Variants in VWA7 observed in about 807,000 individuals in gnomAD.
VWA7 encodes von Willebrand factor A domain-containing protein 7.
Under a neutral mutation model 83.1 loss-of-function variants are expected in VWA7, and 66 were observed. The ratio of observed to expected loss-of-function variants is 0.79; its 90% CI spans 0.65 to 0.98. The LOEUF (loss-of-function observed/expected upper bound fraction) is 0.98, where lower values mean the gene tolerates loss of function less well. Among genes scored for constraint, VWA7 ranks in the 50% least tolerant of loss-of-function variants. The pLI, the probability that VWA7 is intolerant of heterozygous loss-of-function variation, is 0.00. For missense variants in VWA7, 1,080 were observed against 1,160.2 expected, an observed-to-expected ratio of 0.93 and a Z score of 1.00; for synonymous variants, 424 against 488.5, an observed-to-expected ratio of 0.87 and a Z score of 1.74.
chr6:31,766,068 G>C lies in VWA7; in HGVS notation c.2325-11C>G. On this transcript the variant is annotated splice_polypyrimidine_tract_variant and intron_variant, in intron 15 of 16. Transcript: ENST00000375688. This position sits in a 1 kb window ranked among gnomAD's most constrained non-coding sequence, Gnocchi z 4.9. ...AGTTCCAGGTGAGCCCTGGAGAGAG[G>C]ATATAGGCGTCGCTAAAGCTCCAGG... The C allele has an allele frequency of 6.2e-7, 1 of 1,612,668 alleles. No individual in the cohort carries two copies. Among genetic ancestry groups the C allele is most frequent in the Non-Finnish European group, 8.5e-7 (1 of 1,179,846 alleles).
rs765412999 is a variant in VWA7, at chr6:31,767,690, C to G, written c.1568G>C (p.Gly523Ala). 1 of 1,613,576 alleles carries G rather than the reference C, an allele frequency of 6.2e-7. No individual in the cohort carries two copies. ...PGQPLVFSVD[G>A]LLQKITVRIH... is the part of the protein sequence containing the mutation. ...CCGGACTGTGATCTTCTGGAGCAGC[C>G]CATCCACGCTGAACACAAGTGGCTG... The change falls in exon 11 of 17, where the codon GGG becomes GCG. Residue 523 changes from glycine to alanine, a missense_variant. Physicochemically the swap from Gly to Ala is moderately conservative, Grantham distance 60. Coordinates refer to ENST00000375688, the MANE Select transcript of VWA7 (RefSeq NM_025258.3).
intron 10 of VWA7, among the ~76,000 whole-genome samples, chr6:31,768,058 T>C (rs1581592773): frequency 7.0e-6 from 1 of 142,950 alleles, no homozygotes; most frequent in Non-Finnish European, 1.5e-5. Flanking sequence ...GAGAATCGCT[T>C]GAACCCAACA....
chr6:31,775,992 C>T lies in VWA7; in HGVS notation c.485G>A (p.Arg162His), dbSNP rs755504301. Residue 162 changes from arginine to histidine, a missense_variant, in exon 3 of 17, where the codon CGC becomes CAC. Transcript: ENST00000375688. The surrounding 1 kb of genome is among the most constrained non-coding windows in gnomAD (Gnocchi z 5.9). ...CAGGGCATGAAGTGCAGCCCCGAGG[C>T]GCTGGCGAGCCAGGGTGTGGTCAAG... ...RALDHTLARQ[R>H]LGAALHALQD... The T allele has an allele frequency of 9.9e-6, 16 of 1,611,888 alleles. No individual in the cohort carries two copies. The highest frequency in any genetic ancestry group is 2.7e-5 in the African/African-American group (2 of 74,916).
Position 31,766,443 on chromosome 6 carries a change from ACTTTC to A in VWA7, c.2184+15_2184+19del. The stretch of plus-strand genomic sequence containing the variant: ...TCTAACTCTCTCCAGCCCCAGCCGC[ACTTTC>A]CCCTGGCGTCTCACCTCCAGAAGGA... On this transcript the variant is annotated intron_variant, in intron 14 of 16. Coordinates refer to ENST00000375688, the MANE Select transcript of VWA7 (RefSeq NM_025258.3). This position sits in a 1 kb window ranked among gnomAD's most constrained non-coding sequence, Gnocchi z 4.9. The A allele has an allele frequency of 6.3e-7, 1 of 1,580,292 alleles. No individual in the cohort carries two copies. The highest frequency in any genetic ancestry group is 8.6e-7 in the Non-Finnish European group (1 of 1,162,590).
intron 10 of VWA7, among the ~76,000 whole-genome samples, chr6:31,767,979 A>G (rs1429815883): frequency 6.6e-6 from 1 of 151,464 alleles, no homozygotes; most frequent in Non-Finnish European, 1.5e-5. Context: ...AAAAAAAAAA[A>G]AATACAAAAA....
At chr6:31,772,010 A>G (rs1395477974) in intron 7 of VWA7, among the ~76,000 whole-genome samples, 1 of 151,598 alleles carries the variant, frequency 6.6e-6, no homozygotes, top group South Asian at 2.1e-4. Context: ...AAAAAAAAAA[A>G]AAAAAAGAAA....
At chr6:31,767,790 A>T in intron 10 of VWA7, 36 bp from the exon 11 acceptor site, 1 of 1,590,506 alleles carries the variant, frequency 6.3e-7, no homozygotes, top group Admixed American at 1.7e-5. Context: ...ATGGGGAAGA[A>T]GATGAGGTAT....
chr6:31,769,615 T>C lies in VWA7; in HGVS notation c.1317+60A>G. The C allele has an allele frequency of 6.8e-7, 1 of 1,471,060 alleles. No individual in the cohort carries two copies. The highest frequency in any genetic ancestry group is 1.7e-5 in the Admixed American group (1 of 59,678). 91.1% of individuals were successfully genotyped at this position (1,471,060 alleles called of 1,614,324 possible). A position where few individuals can be genotyped will look rare whatever the true frequency, so the allele number is the denominator to read the frequency against. On this transcript the variant is annotated intron_variant, in intron 9 of 16. Transcript: ENST00000375688. This position sits in a 1 kb window ranked among gnomAD's most constrained non-coding sequence, Gnocchi z 4.5. ...TGCAACCCTCGTTATGAGATTGTCA[T>C]CACAGGGTCTCTCACATCCCTGGGA...
chr6:31,765,931 G>T lies in VWA7; in HGVS notation c.2451C>A (p.Pro817=). Residue 817 remains proline (P), a synonymous_variant, in exon 16 of 17, where the codon CCC becomes CCA. Transcript: ENST00000375688. ...TAGGREANPV[P]PTHAFLRLLV... is the part of the protein sequence containing the mutation. ...GGAGCCGGAGGAAAGCATGAGTCGG[G>T]GGTACTGGGTTGGCTTCTCGTCCCC... 6.2e-7 allele frequency: 1 copy of T among 1,613,106 alleles called. No homozygotes were observed.
At position 31,775,196 on chromosome 6, in the gene VWA7, C is replaced by G; in HGVS notation, c.610+137G>C. 2.8e-6 allele frequency: 2 copies of G among 715,896 alleles called. No homozygotes were observed. The highest frequency in any genetic ancestry group is 4.4e-6 in the Non-Finnish European group (2 of 456,950). The allele number at this position is 715,896 out of a possible 1,614,324, so 44.3% of individuals were successfully genotyped here. A position where few individuals can be genotyped will look rare whatever the true frequency, so the allele number is the denominator to read the frequency against. Reference sequence around the variant, plus strand: ...AGCTGCTTAACTGAGCCAGGCGTTGCTTGGACTGGGGGACCTCAGTCCTTG... The same window carrying G: ...AGCTGCTTAACTGAGCCAGGCGTTGGTTGGACTGGGGGACCTCAGTCCTTG... On this transcript the variant is annotated intron_variant, in intron 4 of 16. Transcript: ENST00000375688. The surrounding 1 kb of genome is among the most constrained non-coding windows in gnomAD (Gnocchi z 5.9).
chr6:31,765,939 G>C lies in VWA7; in HGVS notation c.2443C>G (p.Pro815Ala). 1.9e-6 allele frequency: 3 copies of C among 1,613,102 alleles called. No individual in the cohort carries two copies. The highest frequency in any genetic ancestry group is 1.7e-6 in the Non-Finnish European group (2 of 1,180,042). ...TVTAGGREAN[P>A]VPPTHAFLRL... Reference sequence around the variant, plus strand: ...AGGAAAGCATGAGTCGGGGGTACTGGGTTGGCTTCTCGTCCCCCTGCAGTC... The same window carrying C: ...AGGAAAGCATGAGTCGGGGGTACTGCGTTGGCTTCTCGTCCCCCTGCAGTC... The change falls in exon 16 of 17, where the codon CCA becomes GCA. Residue 815 changes from proline to alanine, a missense_variant. Transcript: ENST00000375688.
rs546517555 is a variant in VWA7, at chr6:31,766,535, G to A, written c.2112C>T (p.Gly704=). 1.9e-5 allele frequency: 31 copies of A among 1,612,236 alleles called. No individual in the cohort carries two copies. The East Asian group carries it at 5.8e-4, about 30-fold the overall frequency. Residue 704 remains glycine, a synonymous_variant, in exon 14 of 17, where the codon GGC becomes GGT. Transcript: ENST00000375688. This position sits in a 1 kb window ranked among gnomAD's most constrained non-coding sequence, Gnocchi z 4.9. ...TPRPFSLELI[G]QDAAGRRLHR... is the part of the protein sequence containing the mutation. ...GCAGGCGCCGCCCCGCTGCGTCCTG[G>A]CCAATCAGCTCCAGGGAGAAGGGTC...
In VWA7 at chr6:31,767,152, A is replaced by G; in HGVS notation, c.1882+6T>C. The G allele has an allele frequency of 6.8e-7, 1 of 1,464,718 alleles. No individual in the cohort carries two copies. Among genetic ancestry groups the G allele is most frequent in the Non-Finnish European group, 9.1e-7 (1 of 1,104,778 alleles). The allele number at this position is 1,464,718 out of a possible 1,614,324, so 90.7% of individuals were successfully genotyped here. A position where few individuals can be genotyped will look rare whatever the true frequency, so the allele number is the denominator to read the frequency against. ...AGGTGGGTGGGGGCTCAGGGAATAA[A>G]TGTACCTGCAACTGGCTGAGTCAGG... On this transcript the variant is annotated splice_donor_region_variant and intron_variant, in intron 13 of 16. Transcript: ENST00000375688.
At chr6:31,768,191 C>T (rs1352164435) in intron 10 of VWA7, among the ~76,000 whole-genome samples, 1 of 148,376 alleles carries the variant, frequency 6.7e-6, no homozygotes. Context: ...AAAGAAACCA[C>T]GTCAAACAGG....
chr6:31,767,270 GTCAGAGCCCT>G lies in VWA7; in HGVS notation c.1790-30_1790-21del, dbSNP rs1361022651. 1 of 1,612,078 alleles carries G rather than the reference GTCAGAGCCCT, an allele frequency of 6.2e-7. No homozygotes were observed. Among genetic ancestry groups the G allele is most frequent in the East Asian group, 2.2e-5 (1 of 44,828 alleles). ...TCTGGGCTGGGAAAGGGCAAAGGCA[GTCAGAGCCCT>G]TCCTGAAAGGAATGTGACTGATCGT... On this transcript the variant is annotated intron_variant, in intron 12 of 16. Transcript: ENST00000375688.
rs1286816609 is a variant in VWA7, at chr6:31,775,920, G to A, written c.513+44C>T. The A allele has an allele frequency of 8.9e-6, 14 of 1,565,182 alleles. No individual in the cohort carries two copies. The highest frequency in any genetic ancestry group is 1.1e-5 in the Non-Finnish European group (13 of 1,155,070). ...GACGCGCTCCATCCCGGACAGGCAC[G>A]GAAGTGAAGACCCCTCTGACCATCA... On this transcript the variant is annotated intron_variant, in intron 3 of 16. Coordinates refer to ENST00000375688, the MANE Select transcript of VWA7 (RefSeq NM_025258.3). This position sits in a 1 kb window ranked among gnomAD's most constrained non-coding sequence, Gnocchi z 5.9.
rs1812398829 is a variant in VWA7 at position 31,773,493 on chromosome 6, GA to G, written c.722-57del. 1 of 1,463,744 alleles carries G rather than the reference GA, an allele frequency of 6.8e-7. No individual in the cohort carries two copies. Among genetic ancestry groups the G allele is most frequent in the African/African-American group, 1.4e-5 (1 of 70,058 alleles). 90.7% of individuals were successfully genotyped at this position (1,463,744 alleles called of 1,614,324 possible). A position where few individuals can be genotyped will look rare whatever the true frequency, so the allele number is the denominator to read the frequency against. On this transcript the variant is annotated intron_variant, in intron 5 of 16. Transcript: ENST00000375688. This position sits in a 1 kb window ranked among gnomAD's most constrained non-coding sequence, Gnocchi z 5.3. The stretch of plus-strand genomic sequence containing the variant: ...AGGTCAAAAACCCACTGCCTCCTAA[GA>G]AAATGAGGCCCTTTCAGGCCTGGCC...
rs1316495182 is a variant in VWA7, at chr6:31,776,816, AG to A, written c.-15-23del. On this transcript the variant is annotated intron_variant, in intron 1 of 16. Coordinates refer to ENST00000375688, the MANE Select transcript of VWA7 (RefSeq NM_025258.3). The surrounding 1 kb of genome is among the most constrained non-coding windows in gnomAD (Gnocchi z 6.2). Reference sequence around the variant, plus strand: ...GGACCTGGGAGACAGAAGGCTCTCAAGGGAGGAGGAAGCAGCCGCGATTCCA... The same window carrying A: ...GGACCTGGGAGACAGAAGGCTCTCAAGGAGGAGGAAGCAGCCGCGATTCCA... 1.4e-5 allele frequency: 18 copies of A among 1,296,136 alleles called. No individual in the cohort carries two copies. The East Asian group carries it at 4.4e-4, about 31-fold the overall frequency. The allele number at this position is 1,296,136 out of a possible 1,614,324, so 80.3% of individuals were successfully genotyped here.
chr6:31,768,954 TA>T, intron 10 of VWA7, 63 bp downstream of exon 10: 1 of 1,479,646 alleles, frequency 6.8e-7, no homozygotes. Context: ...CTTTCTCCTA[TA>T]AGAAGAGAGG....
Sources: allele counts gnomAD v4.1 joint callset (sites outside exome capture counted in the v4.1 genomes callset), GRCh38; gene constraint gnomAD v4.1.1; non-coding constraint Gnocchi (gnomAD v3.1); transcripts MANE v1.5; gene names NCBI Gene and HGNC (gene_info 2026-07-23, HGNC 2026-07-21).